RBM47: variants seen among roughly 807,000 people sequenced by gnomAD.
RBM47 encodes the protein RNA binding motif protein 47.
A neutral mutation model predicts 47.1 loss-of-function variants in RBM47; 21 were observed. That is an observed-to-expected ratio of 0.45 (90% confidence interval 0.32 to 0.64). The LOEUF is 0.64. Among genes scored for constraint, RBM47 ranks in the 30% least tolerant of loss-of-function variants. RBM47 has a pLI of 0.05. For missense variants in RBM47, 708 were observed against 870.9 expected, an observed-to-expected ratio of 0.81 and a Z score of 2.35; for synonymous variants, 375 against 361.7, an observed-to-expected ratio of 1.04 and a Z score of -0.42.
chr4:40,463,661 T>C (rs1317816453), intron 3 of RBM47, among the ~76,000 whole-genome samples: 1 of 151,924 alleles, frequency 6.6e-6, no homozygotes, highest in African/African-American at 2.4e-5. Flanking sequence ...TCTTCTACTT[T>C]AGAGACCTGA....
chr4:40,560,943 CA>C lies in RBM47; in HGVS notation c.-239-16438del, dbSNP rs1261626272. On this transcript the variant is annotated intron_variant, in intron 1 of 6. Transcript: ENST00000295971. ...ACGCGCCACTGCACTTCAGCCTGGG[CA>C]AAAAGTAAGACTCCTTCTCGGAAAA... Among the ~76,000 whole-genome samples the C allele has an allele frequency of 1.6e-4, 24 of 148,574 alleles. 1 individual carries two copies. Among genetic ancestry groups the C allele is most frequent in the Admixed American group, 1.5e-3 (22 of 14,866 alleles).
At chr4:40,533,048 C>A (rs1448234151) in intron 2 of RBM47, among the ~76,000 whole-genome samples, 3 of 152,178 alleles carry the variant, frequency 2.0e-5, no homozygotes, top group African/African-American at 7.2e-5. Flanking sequence ...GAAATAGCTT[C>A]TTCCTAGGAG....
intron 2 of RBM47, among the ~76,000 whole-genome samples, chr4:40,480,924 C>T (rs963723238): frequency 2.6e-5 from 4 of 152,044 alleles, no homozygotes; most frequent in African/African-American, 9.7e-5. Flanking sequence ...TCATGTGTAA[C>T]ATTATAGCCC....
intron 1 of RBM47, among the ~76,000 whole-genome samples, chr4:40,587,699 A>G (rs1398035179): frequency 6.6e-6 from 1 of 152,184 alleles, no homozygotes; most frequent in Non-Finnish European, 1.5e-5. Context: ...TTCTCTATCT[A>G]GATAATGGGC....
chr4:40,549,310 T>A (rs1237830263), intron 1 of RBM47, among the ~76,000 whole-genome samples: 1 of 151,986 alleles, frequency 6.6e-6, no homozygotes, highest in Non-Finnish European at 1.5e-5. Flanking sequence ...CAGGCTGGTC[T>A]CAAACTTCTG....
chr4:40,460,177 T>C (rs16851449), intron 3 of RBM47, among the ~76,000 whole-genome samples: 12 of 151,376 alleles, frequency 7.9e-5, no homozygotes, highest in Non-Finnish European at 8.8e-5. Flanking sequence ...CTTGGTAAAG[T>C]AGGTACTGGC....
intron 3 of RBM47, among the ~76,000 whole-genome samples, chr4:40,453,123 GC>G (rs879879236): frequency 4.1e-4 from 63 of 152,228 alleles, no homozygotes; most frequent in Admixed American, 1.8e-3. Flanking sequence ...ACAGGCTTGA[GC>G]CACTGTACCC....
At position 40,623,571 on chromosome 4, in the gene RBM47, C is replaced by T. The variant is rs141511984; in HGVS notation, c.-240+5825G>A. Among the ~76,000 whole-genome samples, 843 of 152,186 alleles carry T rather than the reference C, an allele frequency of 5.5e-3. 9 individuals carry two copies. Among genetic ancestry groups the T allele is most frequent in the African/African-American group, 0.02 (813 of 41,496 alleles). Reference sequence around the variant, plus strand: ...CTGGAGTGCAGTGGCTAGTCACAGGCGCAATCATAACGTACTAAAGCCTTG... The same window carrying T: ...CTGGAGTGCAGTGGCTAGTCACAGGTGCAATCATAACGTACTAAAGCCTTG... On this transcript the variant is annotated intron_variant, in intron 1 of 6. Transcript: ENST00000295971.
intron 1 of RBM47, among the ~76,000 whole-genome samples, chr4:40,571,651 A>T (rs1328391487): frequency 6.6e-6 from 1 of 152,026 alleles, no homozygotes; most frequent in Non-Finnish European, 1.5e-5. Flanking sequence ...AGGGTGCGGG[A>T]TAAAAGACTA....
At chr4:40,608,102 C>CA (rs902269999) in intron 1 of RBM47, among the ~76,000 whole-genome samples, 11 of 145,008 alleles carry the variant, frequency 7.6e-5, no homozygotes, top group East Asian at 6.0e-4. Flanking sequence ...ACTCCATCTC[C>CA]AAAAAAAAAA....
chr4:40,529,543 A>G (rs1174693897), intron 2 of RBM47, among the ~76,000 whole-genome samples: 1 of 140,076 alleles, frequency 7.1e-6, no homozygotes, highest in East Asian at 2.1e-4. Context: ...AAAAAAAAAA[A>G]GCATCTAAGG....
rs575091274 is a variant in RBM47, at chr4:40,472,167, G to A, written c.-154-5468C>T. ...TCTGACTCATAACTAGAATCCTAGA[G>A]TTCCACACCCAATCCAAGCCAATAG... On this transcript the variant is annotated intron_variant, in intron 2 of 6. Transcript: ENST00000295971. 7.9e-5 allele frequency among the ~76,000 whole-genome samples: 12 copies of A among 152,226 alleles called. 1 individual carries two copies. The South Asian group carries it at 1.5e-3, about 18-fold the overall frequency.
chr4:40,626,375 A>C (rs1028012921), intron 1 of RBM47, among the ~76,000 whole-genome samples: 1 of 152,222 alleles, frequency 6.6e-6, no homozygotes, highest in African/African-American at 2.4e-5. Context: ...AATTCATTCA[A>C]ACTAGTGTCT....
intron 2 of RBM47, among the ~76,000 whole-genome samples, chr4:40,486,955 G>T (rs115408085): frequency 1.3e-5 from 2 of 152,148 alleles, no homozygotes; most frequent in Non-Finnish European, 1.5e-5. Flanking sequence ...TATAGTTGTT[G>T]TCTAGACACT....
intron 2 of RBM47, among the ~76,000 whole-genome samples, chr4:40,507,277 C>T (rs1302628941): frequency 6.6e-6 from 1 of 152,006 alleles, no homozygotes; most frequent in Non-Finnish European, 1.5e-5. Context: ...CCATAAACTC[C>T]ACTTTAAAAT....
At chr4:40,581,475 G>A (rs972106792) in intron 1 of RBM47, among the ~76,000 whole-genome samples, 7 of 93,102 alleles carry the variant, frequency 7.5e-5, no homozygotes, top group African/African-American at 1.2e-4. Flanking sequence ...TAAAAGGAGA[G>A]GTCATTGGAG....
At chr4:40,608,919 G>A (rs1157707563) in intron 1 of RBM47, among the ~76,000 whole-genome samples, 1 of 152,154 alleles carries the variant, frequency 6.6e-6, no homozygotes, top group Admixed American at 6.6e-5. Flanking sequence ...TGCTGATTTG[G>A]AAAAACGAGA....
intron 1 of RBM47, among the ~76,000 whole-genome samples, chr4:40,596,916 A>G (rs940610022): frequency 3.3e-5 from 5 of 152,208 alleles, no homozygotes; most frequent in African/African-American, 4.8e-5. Context: ...ACCTTTCAGT[A>G]GGTCAGAAAT....
At chr4:40,576,299 A>AT (rs1491526217) in intron 1 of RBM47, among the ~76,000 whole-genome samples, 3 of 138,200 alleles carry the variant, frequency 2.2e-5, no homozygotes, top group African/African-American at 8.4e-5. Flanking sequence ...ACCCACAATC[A>AT]TATTTATGCC....
Sources: allele counts gnomAD v4.1 joint callset (sites outside exome capture counted in the v4.1 genomes callset), GRCh38; gene constraint gnomAD v4.1.1; transcripts MANE v1.5; gene names NCBI Gene and HGNC (gene_info 2026-07-23, HGNC 2026-07-21).